The following NRXN1 variants were observed in gnomAD, a reference collection of about 807,000 sequenced individuals.
NRXN1 encodes neurexin 1.
Under a neutral mutation model 150.9 loss-of-function variants are expected in NRXN1, and 39 were observed. That is an observed-to-expected ratio of 0.26 (90% CI 0.20 to 0.34). The LOEUF is 0.34. NRXN1 is among the 10% of genes least tolerant of loss of function. The pLI is 1.00. For synonymous variants in NRXN1, 924 were observed against 757.0 expected, an observed-to-expected ratio of 1.22 and a Z score of -3.62; for missense variants, 1,815 against 1,949.9, an observed-to-expected ratio of 0.93 and a Z score of 1.30.
intron 2 of NRXN1, among the ~76,000 whole-genome samples, chr2:50,986,330 C>T (rs1242496483): frequency 6.6e-5 from 10 of 151,434 alleles, no homozygotes; most frequent in African/African-American, 1.9e-4. Context: ...AAAAAATATT[C>T]GTAGATGAAT....
At chr2:50,978,273 T>TAC (rs1178191406) in intron 2 of NRXN1, among the ~76,000 whole-genome samples, 14 of 22,962 alleles carry the variant, frequency 6.1e-4, no homozygotes, top group African/African-American at 2.3e-3. Flanking sequence ...ATATTATACA[T>TAC]ATATATATAT....
At chr2:51,021,517 A>G (rs1669606279) in intron 2 of NRXN1, among the ~76,000 whole-genome samples, 1 of 151,674 alleles carries the variant, frequency 6.6e-6, no homozygotes, top group African/African-American at 2.4e-5. Flanking sequence ...ACATTTAATG[A>G]TATCCAAAAC....
At chr2:50,195,001 C>A (rs1013349906) in intron 18 of NRXN1, among the ~76,000 whole-genome samples, 1 of 152,132 alleles carries the variant, frequency 6.6e-6, no homozygotes, top group African/African-American at 2.4e-5. Context: ...AAAATTAATA[C>A]GGCCCTGTAG....
intron 2 of NRXN1, 49 bp downstream of exon 2, chr2:51,027,453 C>G (rs1306403601): frequency 2.7e-6 from 4 of 1,474,702 alleles, no homozygotes; most frequent in Admixed American, 4.8e-5. Context: ...CCCTCCTCCC[C>G]GAGCCCCGCC....
intron 17 of NRXN1, among the ~76,000 whole-genome samples, chr2:50,410,722 G>A (rs1382423477): frequency 6.6e-6 from 1 of 152,164 alleles, no homozygotes; most frequent in East Asian, 1.9e-4. Context: ...AGCATTCTAG[G>A]CAGGCCTATT....
At chr2:50,628,637 T>A (rs1421553068) in intron 5 of NRXN1, among the ~76,000 whole-genome samples, 1 of 151,752 alleles carries the variant, frequency 6.6e-6, no homozygotes, top group African/African-American at 2.4e-5. Flanking sequence ...TACATATGTG[T>A]TTCTGCTGAA....
At chr2:50,318,502 T>C (rs989751965) in intron 17 of NRXN1, among the ~76,000 whole-genome samples, 4 of 152,108 alleles carry the variant, frequency 2.6e-5, no homozygotes, top group Non-Finnish European at 5.9e-5. Context: ...CAAGGAGCAC[T>C]GTTTGTAAGA....
intron 18 of NRXN1, among the ~76,000 whole-genome samples, chr2:50,197,255 G>A (rs1451400167): frequency 6.6e-6 from 1 of 152,024 alleles, no homozygotes; most frequent in Non-Finnish European, 1.5e-5. Flanking sequence ...TTGTCACCTG[G>A]GAAAGAGGTC....
chr2:50,723,973 AT>A (rs1296312750), intron 5 of NRXN1, among the ~76,000 whole-genome samples: 4 of 152,146 alleles, frequency 2.6e-5, no homozygotes, highest in Non-Finnish European at 2.9e-5. Flanking sequence ...TTCTTGCTTC[AT>A]TTTTTCTGTT....
At chr2:50,250,832 G>A (rs1019460043) in intron 17 of NRXN1, among the ~76,000 whole-genome samples, 9 of 151,140 alleles carry the variant, frequency 6.0e-5, no homozygotes, top group South Asian at 4.2e-4. Context: ...TGTGCAGTAC[G>A]TGCAGGTTTA....
chr2:50,209,172 T>G (rs899488784), intron 18 of NRXN1, among the ~76,000 whole-genome samples: 1 of 152,148 alleles, frequency 6.6e-6, no homozygotes, highest in Non-Finnish European at 1.5e-5. Context: ...ACTCCACTTC[T>G]TTGATAAAGT....
intron 17 of NRXN1, among the ~76,000 whole-genome samples, chr2:50,292,151 A>G (rs1397009784): frequency 1.3e-5 from 2 of 152,178 alleles, no homozygotes; most frequent in East Asian, 3.8e-4. Context: ...TGCTATTAGT[A>G]AAGGAGGTTT....
chr2:50,078,819 C>G (rs1011384890), intron 19 of NRXN1, among the ~76,000 whole-genome samples: 65 of 152,186 alleles, frequency 4.3e-4, no homozygotes, highest in African/African-American at 1.5e-3. Flanking sequence ...TGACATTTAA[C>G]TTGATCACTT....
At chr2:50,075,410 C>A (rs930927666) in intron 19 of NRXN1, among the ~76,000 whole-genome samples, 1 of 152,122 alleles carries the variant, frequency 6.6e-6, no homozygotes, top group African/African-American at 2.4e-5. Flanking sequence ...GTGTAAAAAG[C>A]CTTAGATCAT....
intron 18 of NRXN1, among the ~76,000 whole-genome samples, chr2:50,213,314 T>G (rs1574523653): frequency 6.6e-6 from 1 of 151,958 alleles, no homozygotes; most frequent in East Asian, 1.9e-4. Flanking sequence ...ATTCTAATGA[T>G]ACTTTAAATA....
chr2:50,503,766 G>A (rs1469046845), intron 13 of NRXN1, among the ~76,000 whole-genome samples: 1 of 152,072 alleles, frequency 6.6e-6, no homozygotes, highest in African/African-American at 2.4e-5. Flanking sequence ...ATGAGTTACA[G>A]GATATTTACA....
At chr2:49,938,887 T>G (rs1243376516) in intron 22 of NRXN1, among the ~76,000 whole-genome samples, 1 of 152,232 alleles carries the variant, frequency 6.6e-6, no homozygotes, top group Non-Finnish European at 1.5e-5. Flanking sequence ...GGGTTCTATT[T>G]GGAAGAGGGC....
intron 21 of NRXN1, among the ~76,000 whole-genome samples, chr2:50,015,564 G>A (rs1425558157): frequency 6.7e-6 from 1 of 148,194 alleles, no homozygotes; most frequent in Non-Finnish European, 1.5e-5. Flanking sequence ...TTGGGAGGAG[G>A]CAGCCTGGCC....
intron 5 of NRXN1, among the ~76,000 whole-genome samples, chr2:50,835,184 C>A (rs1671938708): frequency 6.6e-6 from 1 of 152,062 alleles, no homozygotes; most frequent in African/African-American, 2.4e-5. Context: ...TCATAAACCA[C>A]AACTGATCTT....
Sources: allele counts gnomAD v4.1 joint callset (sites outside exome capture counted in the v4.1 genomes callset), GRCh38; gene constraint gnomAD v4.1.1; transcripts MANE v1.5; gene names NCBI Gene and HGNC (gene_info 2026-07-23, HGNC 2026-07-21).